CACYBP: variants seen among roughly 807,000 people sequenced by gnomAD.
CACYBP encodes the protein calcyclin binding protein.
In CACYBP, 11 loss-of-function variants were observed where a neutral mutation model predicts 29.6. That is an observed-to-expected ratio of 0.37 (90% CI 0.23 to 0.61). The LOEUF is 0.61. Among genes scored for constraint, CACYBP ranks in the 20% least tolerant of loss-of-function variants. CACYBP has a pLI of 0.65. For synonymous variants in CACYBP, 73 were observed against 88.3 expected, an observed-to-expected ratio of 0.83 and a Z score of 0.97; for missense variants, 163 against 260.7, an observed-to-expected ratio of 0.63 and a Z score of 2.58.
chr1:175,003,133 T>G (rs1335075724), intron 1 of CACYBP, among the ~76,000 whole-genome samples: 13 of 147,776 alleles, frequency 8.8e-5, no homozygotes, highest in East Asian at 5.8e-4. Context: ...TTTTTTTTTT[T>G]GGGAGACCGA....
chr1:175,009,757 T>G (rs948948287), intron 5 of CACYBP, among the ~76,000 whole-genome samples, 166 bp from the exon 6 acceptor site: 28 of 152,170 alleles, frequency 1.8e-4, no homozygotes, highest in African/African-American at 6.5e-4. Flanking sequence ...TACGTGTGTG[T>G]TGTTTTCATT....
At chr1:175,007,892 A>G (rs1047562964) in intron 4 of CACYBP, among the ~76,000 whole-genome samples, 4 of 152,212 alleles carry the variant, frequency 2.6e-5, no homozygotes, top group Admixed American at 1.3e-4. Flanking sequence ...CCTAATGTGA[A>G]TAAATGAAGT....
intron 1 of CACYBP, chr1:175,000,456 G>C: frequency 7.3e-7 from 1 of 1,375,490 alleles, no homozygotes; most frequent in Non-Finnish European, 9.4e-7. Flanking sequence ...AGGCGGTGCG[G>C]GGAGTGGGTC....
intron 1 of CACYBP, among the ~76,000 whole-genome samples, chr1:175,002,157 C>G (rs976534774): frequency 6.6e-6 from 1 of 152,164 alleles, no homozygotes; most frequent in African/African-American, 2.4e-5. Flanking sequence ...AGTGGAATTA[C>G]TGGTTCATAT....
chr1:175,006,940 G>C, intron 3 of CACYBP, 99 bp downstream of exon 3: 1 of 870,192 alleles, frequency 1.1e-6, no homozygotes, highest in East Asian at 2.6e-5. Context: ...CTTAAATTTA[G>C]AATTAATTAT....
At chr1:175,009,730 A>G (rs1212538492) in intron 5 of CACYBP, among the ~76,000 whole-genome samples, 193 bp from the exon 6 acceptor site, 3 of 151,340 alleles carry the variant, frequency 2.0e-5, no homozygotes, top group African/African-American at 4.9e-5. Context: ...TCGTGCACCA[A>G]GTGTGTGCAT....
intron 2 of CACYBP, 54 bp downstream of exon 2, chr1:175,004,887 A>C (rs1238331618): frequency 6.2e-6 from 7 of 1,124,704 alleles, no homozygotes; most frequent in Non-Finnish European, 9.5e-6. Flanking sequence ...TATTCCTCAT[A>C]GTGGTCTAAC....
intron 1 of CACYBP, among the ~76,000 whole-genome samples, chr1:175,003,775 A>T (rs1470962191): frequency 7.9e-5 from 12 of 152,202 alleles, no homozygotes; most frequent in African/African-American, 2.4e-4. Context: ...GGGGGAAAAA[A>T]AACTTAGGCT....
chr1:175,008,851 A>G, intron 5 of CACYBP, 145 bp downstream of exon 5: 1 of 610,268 alleles, frequency 1.6e-6, no homozygotes. Flanking sequence ...TTGCTTTTTA[A>G]GGTCTTTGTA....
intron 4 of CACYBP, among the ~76,000 whole-genome samples, chr1:175,008,197 T>C (rs1672663839): frequency 6.6e-6 from 1 of 152,130 alleles, no homozygotes; most frequent in Non-Finnish European, 1.5e-5. Context: ...TTACTGTCTT[T>C]TTCAGTCACT....
At chr1:175,003,417 C>T (rs959594183) in intron 1 of CACYBP, among the ~76,000 whole-genome samples, 2 of 152,090 alleles carry the variant, frequency 1.3e-5, no homozygotes, top group Non-Finnish European at 2.9e-5. Context: ...CTGCACCTGG[C>T]CAGAGTTGAA....
chr1:175,002,840 C>A (rs1256677813), intron 1 of CACYBP, among the ~76,000 whole-genome samples: 2 of 152,178 alleles, frequency 1.3e-5, no homozygotes, highest in African/African-American at 4.8e-5. Flanking sequence ...TTCGAAGTAC[C>A]TTTCTCATTC....
chr1:175,001,701 T>A (rs1307977457), intron 1 of CACYBP, among the ~76,000 whole-genome samples: 7 of 152,370 alleles, frequency 4.6e-5, no homozygotes. Flanking sequence ...TATATGCATG[T>A]GGCACATTGT....
intron 2 of CACYBP, chr1:175,005,043 C>CA: frequency 3.5e-6 from 2 of 565,156 alleles, no homozygotes; most frequent in Non-Finnish European, 6.4e-6. Context: ...TGATTCACTA[C>CA]AAAATGTAAC....
chr1:175,003,550 TAAG>T (rs1672546106), intron 1 of CACYBP, among the ~76,000 whole-genome samples: 1 of 152,236 alleles, frequency 6.6e-6, no homozygotes, highest in African/African-American at 2.4e-5. Context: ...ATAAGACTAT[TAAG>T]AAACAGGCTT....
chr1:175,009,067 C>T (rs893837819), intron 5 of CACYBP, among the ~76,000 whole-genome samples: 3 of 152,066 alleles, frequency 2.0e-5, no homozygotes, highest in Non-Finnish European at 4.4e-5. Flanking sequence ...TATTTTTATC[C>T]TTCTTAATAA....
chr1:175,001,823 T>C (rs1333700639), intron 1 of CACYBP, among the ~76,000 whole-genome samples: 1 of 152,130 alleles, frequency 6.6e-6, no homozygotes, highest in Non-Finnish European at 1.5e-5. Context: ...CTCACTGCAA[T>C]CTCCGTCTCC....
upstream of CACYBP, chr1:174,999,572 C>T (rs1436258929): frequency 6.3e-6 from 1 of 159,388 alleles, no homozygotes; most frequent in South Asian, 1.5e-4. Flanking sequence ...TCGCCTTCTT[C>T]TCGCGGAGGC....
chr1:175,011,324 T>C lies in CACYBP; in HGVS notation c.*1245T>C, dbSNP rs1282409334. 1 of 152,084 alleles carries C rather than the reference T, an allele frequency of 6.6e-6. No homozygotes were observed. The highest frequency in any genetic ancestry group is 2.4e-5 in the African/African-American group (1 of 41,392). 9.4% of individuals were successfully genotyped at this position (152,084 alleles called of 1,614,324 possible). ...AACAGAATAGCAGACACAATGCATA[T>C]GAAAGTTACAGAATATGGTAAAAGT... is the stretch of plus-strand genomic sequence containing the variant. On this transcript the variant is annotated 3_prime_UTR_variant, in exon 6 of 6. Coordinates refer to ENST00000367679, the MANE Select transcript of CACYBP (RefSeq NM_014412.3).
Sources: gnomAD v4.1 joint callset for allele counts (sites outside exome capture counted in the v4.1 genomes callset) on GRCh38, gnomAD v4.1.1 for gene constraint, MANE v1.5 for transcripts, NCBI Gene and HGNC (gene_info 2026-07-23, HGNC 2026-07-21) for gene names.